SATB1: variants seen among roughly 807,000 people sequenced by gnomAD.
SATB1 encodes DNA-binding protein SATB1.
SATB1 carries 11 observed loss-of-function variants against 86.9 expected under a neutral mutation model. The ratio of observed to expected loss-of-function variants is 0.13; its 90% confidence interval spans 0.08 to 0.21. SATB1 has a LOEUF of 0.21. Among genes scored for constraint, SATB1 ranks in the 10% least tolerant of loss-of-function variants. The pLI is 1.00. For missense variants in SATB1, 551 were observed against 937.6 expected (o/e 0.59, Z 5.39); for synonymous variants, 357 against 357.2 (o/e 1.00, Z 0.01).
chr3:18,357,933 C>A (rs28631191), intron 9 of SATB1, among the ~76,000 whole-genome samples: 65,845 of 151,518 alleles, frequency 0.43, 14,622 homozygotes, highest in East Asian at 0.51. Flanking sequence ...GCTTCACACA[C>A]CCACTTGTGA....
chr3:18,358,032 A>G (rs1477856220), intron 9 of SATB1, among the ~76,000 whole-genome samples: 3 of 151,998 alleles, frequency 2.0e-5, no homozygotes, highest in African/African-American at 2.4e-5. Flanking sequence ...ACTAGGTTAA[A>G]AGGGTGAACT....
intron 7 of SATB1, among the ~76,000 whole-genome samples, chr3:18,388,107 C>T (rs747286780): frequency 2.6e-4 from 39 of 152,158 alleles, no homozygotes; most frequent in South Asian, 1.0e-3. Context: ...TCGTTTTTAC[C>T]CTAAGAAATG....
chr3:18,377,662 G>C (rs899396785), intron 9 of SATB1, among the ~76,000 whole-genome samples: 5 of 152,134 alleles, frequency 3.3e-5, no homozygotes, highest in African/African-American at 9.7e-5. Context: ...GTGTGTGTGT[G>C]TGTCAGTTTG....
intron 8 of SATB1, among the ~76,000 whole-genome samples, chr3:18,384,065 A>G (rs889156005): frequency 3.3e-5 from 5 of 152,202 alleles, no homozygotes; most frequent in African/African-American, 1.2e-4. Flanking sequence ...AAGAATCTAC[A>G]GTATGTATAT....
At chr3:18,412,389 C>G (rs1435065897) in intron 5 of SATB1, among the ~76,000 whole-genome samples, 1 of 152,056 alleles carries the variant, frequency 6.6e-6, no homozygotes, top group Non-Finnish European at 1.5e-5. Flanking sequence ...CTCCTCCTGG[C>G]CCCTGCTCTA....
intron 5 of SATB1, among the ~76,000 whole-genome samples, chr3:18,404,271 A>G (rs556799711): frequency 5.9e-4 from 89 of 151,938 alleles, no homozygotes; most frequent in Non-Finnish European, 6.2e-4. Flanking sequence ...TGTTTCCCAA[A>G]TCTTTCCCTC....
At chr3:18,403,812 G>A (rs983175081) in intron 5 of SATB1, among the ~76,000 whole-genome samples, 6 of 152,004 alleles carry the variant, frequency 3.9e-5, no homozygotes, top group African/African-American at 1.4e-4. Flanking sequence ...AATAAAATGA[G>A]CATTTACTGA....
Position 18,349,610 on chromosome 3 carries a change from G to A in SATB1, c.1852C>T (p.Pro618Ser). The change falls in exon 11 of 11, where the codon CCA (proline) becomes TCA (serine). Residue 618 changes from proline to serine, a missense_variant. Pro to Ser is a moderately conservative substitution (Grantham distance 74, BLOSUM62 -1). Coordinates refer to ENST00000338745, the MANE Select transcript of SATB1 (RefSeq NM_002971.6). This position sits in a 1 kb window ranked among gnomAD's most constrained non-coding sequence, Gnocchi z 5.5. ...GGGGGGAGCCGAGGGCCTGTCTGTG[G>A]CTGCTGCTGTGGCTGTGGAGGCGGC... ...APPPPQPQQQ[P>S]QTGPRLPPRQ... is the part of the protein sequence containing the mutation. 6.2e-7 allele frequency: 1 copy of A among 1,613,582 alleles called. No individual in the cohort carries two copies. The highest frequency in any genetic ancestry group is 8.5e-7 in the Non-Finnish European group (1 of 1,179,988).
chr3:18,436,571 A>G (rs1699068934), intron 2 of SATB1, among the ~76,000 whole-genome samples: 2 of 152,030 alleles, frequency 1.3e-5, no homozygotes, highest in Non-Finnish European at 2.9e-5. Flanking sequence ...TTAAGTGTTC[A>G]GATAACCCTA....
intron 2 of SATB1, chr3:18,417,756 A>G: frequency 1.5e-6 from 1 of 677,490 alleles, no homozygotes; most frequent in Non-Finnish European, 2.7e-6. Flanking sequence ...AACCTACCTA[A>G]CTAAAAAGAG....
chr3:18,441,361 G>A (rs943888757), upstream of SATB1, among the ~76,000 whole-genome samples: 1 of 152,016 alleles, frequency 6.6e-6, no homozygotes, highest in Non-Finnish European at 1.5e-5. Context: ...AATCTGGGGA[G>A]GTTTCTATTT....
chr3:18,361,511 T>C (rs924562868), intron 9 of SATB1, among the ~76,000 whole-genome samples: 25 of 152,082 alleles, frequency 1.6e-4, no homozygotes, highest in African/African-American at 5.6e-4. Context: ...CTAAGCCAGG[T>C]TCTCCTAGGA....
intron 9 of SATB1, among the ~76,000 whole-genome samples, chr3:18,358,487 C>G (rs188921552): frequency 6.6e-6 from 1 of 152,026 alleles, no homozygotes; most frequent in East Asian, 1.9e-4. Flanking sequence ...GTGAAAAGAA[C>G]CTCAGCTGGC....
At chr3:18,407,844 T>G (rs1697625449) in intron 5 of SATB1, among the ~76,000 whole-genome samples, 1 of 152,046 alleles carries the variant, frequency 6.6e-6, no homozygotes, top group African/African-American at 2.4e-5. Context: ...TCGTATGTTA[T>G]CATAAGACAG....
chr3:18,371,714 TC>T (rs1695487736), intron 9 of SATB1, among the ~76,000 whole-genome samples: 1 of 152,216 alleles, frequency 6.6e-6, no homozygotes, highest in Non-Finnish European at 1.5e-5. Flanking sequence ...TATTTTCGTT[TC>T]TCATGTGAGG....
chr3:18,354,805 T>C (rs1694548677), intron 9 of SATB1, among the ~76,000 whole-genome samples: 1 of 152,084 alleles, frequency 6.6e-6, no homozygotes, highest in Non-Finnish European at 1.5e-5. Flanking sequence ...TCCTAAACAA[T>C]CACACTCATG....
chr3:18,410,554 A>T (rs1697781611), intron 5 of SATB1, among the ~76,000 whole-genome samples: 1 of 152,192 alleles, frequency 6.6e-6, no homozygotes, highest in Non-Finnish European at 1.5e-5. Flanking sequence ...GCACTAAATC[A>T]AAGTGTAATA....
intron 2 of SATB1, among the ~76,000 whole-genome samples, chr3:18,435,431 C>A (rs936628584): frequency 6.6e-6 from 1 of 152,124 alleles, no homozygotes; most frequent in African/African-American, 2.4e-5. Context: ...AATTTTAATA[C>A]CCGGCTCCTT....
At chr3:18,385,101 C>T (rs1483497392) in intron 8 of SATB1, among the ~76,000 whole-genome samples, 3 of 152,028 alleles carry the variant, frequency 2.0e-5, no homozygotes, top group Admixed American at 6.5e-5. Flanking sequence ...ATGCAGTATC[C>T]GTAGTACTTT....
Sources: gnomAD v4.1 joint callset for allele counts (sites outside exome capture counted in the v4.1 genomes callset) on GRCh38, gnomAD v4.1.1 for gene constraint, Gnocchi (gnomAD v3.1) non-coding constraint, MANE v1.5 for transcripts, NCBI Gene and HGNC (gene_info 2026-07-23, HGNC 2026-07-21) for gene names.